Variants in ZNF131 observed in about 807,000 individuals in gnomAD.
The protein encoded by ZNF131 is zinc finger and BTB domain containing 35, also known as zinc finger protein 131.
Under a neutral mutation model 60.0 loss-of-function variants are expected in ZNF131, and 7 were observed. The ratio of observed to expected loss-of-function variants is 0.12; its 90% CI spans 0.07 to 0.22. The LOEUF (loss-of-function observed/expected upper bound fraction) is 0.22. Ranked by LOEUF, ZNF131 falls within the 10% of genes least tolerant of loss-of-function variation. The pLI is 1.00. For missense variants in ZNF131, 493 were observed against 740.9 expected (o/e 0.67, Z 3.88); for synonymous variants, 257 against 253.2 (o/e 1.01, Z -0.14).
At chr5:43,145,971 C>CA (rs1747527428) in intron 4 of ZNF131, among the ~76,000 whole-genome samples, 1 of 152,208 alleles carries the variant, frequency 6.6e-6, no homozygotes, top group African/African-American at 2.4e-5. Context: ...TGGAGCATTC[C>CA]AAAGTGGGGT....
At position 43,161,819 on chromosome 5, in the gene ZNF131, A is replaced by G. The variant is rs1205904088; in HGVS notation, c.942A>G (p.Glu314=). ...KQHLNCYHLE[E]GGVSKKQRTG... The stretch of plus-strand genomic sequence containing the variant: ...ACCTAAATTGTTACCACCTTGAAGA[A>G]GGTGGAGTCAGTAAGAAGCAAAGAA... Residue 314 remains glutamate (E), a synonymous_variant, in exon 5 of 7, where the codon GAA becomes GAG. Transcript: ENST00000682664. 1.2e-6 allele frequency: 2 copies of G among 1,614,242 alleles called. No individual in the cohort carries two copies. The highest frequency in any genetic ancestry group is 2.2e-5 in the South Asian group (2 of 91,084).
At chr5:43,160,484 A>G (rs1180390455) in intron 4 of ZNF131, among the ~76,000 whole-genome samples, 1 of 152,050 alleles carries the variant, frequency 6.6e-6, no homozygotes, top group Non-Finnish European at 1.5e-5. Flanking sequence ...TGGGTGAGAG[A>G]ATGAGAAATC....
In ZNF131 at chr5:43,175,544, A is replaced by T. The variant is rs1751486088; in HGVS notation, c.*411A>T. 1 of 677,422 alleles carries T rather than the reference A, an allele frequency of 1.5e-6. No individual in the cohort carries two copies. 42.0% of individuals were successfully genotyped at this position (677,422 alleles called of 1,614,324 possible). A position where few individuals can be genotyped will look rare whatever the true frequency, so the allele number is the denominator to read the frequency against. ...TTTATGTATTCTAATGCATGTTAGA[A>T]AATTGAATAATATAGGAAACACAAG... On this transcript the variant is annotated 3_prime_UTR_variant, in exon 7 of 7. Coordinates refer to ENST00000682664, the MANE Select transcript of ZNF131 (RefSeq NM_001330707.2).
rs768909836 is a variant in ZNF131, at chr5:43,161,496, G to A, written c.619G>A (p.Asp207Asn). Reference protein sequence around the residue: ...VKYIQSTGSSDDSALALLADI... With the variant: ...VKYIQSTGSSNDSALALLADI... The stretch of plus-strand genomic sequence containing the variant: ...GTACATACAGAGCACAGGTTCCTCT[G>A]ATGATTCTGCTCTAGCACTGTTGGC... The change falls in exon 5 of 7, where the codon GAT (aspartate) becomes AAT (asparagine). Residue 207 changes from aspartate (D) to asparagine (N), a missense_variant. Physicochemically the swap from Asp to Asn is conservative, Grantham distance 23. Around this residue, in one of 7 missense-constraint regions of ZNF131, gnomAD observed 138 missense variants for 158.7 expected, o/e 0.87. Coordinates refer to ENST00000682664, the MANE Select transcript of ZNF131 (RefSeq NM_001330707.2). The A allele has an allele frequency of 6.2e-7, 1 of 1,614,142 alleles. No individual in the cohort carries two copies. The highest frequency in any genetic ancestry group is 1.3e-5 in the African/African-American group (1 of 74,954).
At position 43,139,246 on chromosome 5, in the gene ZNF131, A is replaced by G. The variant is rs1266497338; in HGVS notation, c.308A>G (p.Asn103Ser). 6 of 1,613,048 alleles carry G rather than the reference A, an allele frequency of 3.7e-6. No homozygotes were observed. The highest frequency in any genetic ancestry group is 1.3e-5 in the African/African-American group (1 of 74,880). Residue 103 changes from asparagine (N) to serine (S), a missense_variant, in exon 4 of 7, where the codon AAT becomes AGT. Asn to Ser is a conservative substitution (Grantham distance 46, BLOSUM62 1). Transcript: ENST00000682664. ...ATGATACAAGGAGAAGAAGAAGCCA[A>G]TGATGTATGGAAAGCAGCAGAGTTT... ...KLMIQGEEEANDVWKAAEFLQ... is the reference protein window; with the variant it reads ...KLMIQGEEEASDVWKAAEFLQ...
intron 4 of ZNF131, among the ~76,000 whole-genome samples, chr5:43,143,026 CTTTT>C (rs148965036): frequency 7.3e-6 from 1 of 136,752 alleles, no homozygotes; most frequent in Non-Finnish European, 1.6e-5. Context: ...ATCTTTCAAG[CTTTT>C]TTTTTTTTTT....
At chr5:43,154,417 A>G (rs1350695359) in intron 4 of ZNF131, among the ~76,000 whole-genome samples, 1 of 151,620 alleles carries the variant, frequency 6.6e-6, no homozygotes, top group African/African-American at 2.4e-5. Flanking sequence ...CCGTCTCCAA[A>G]AAAAAAAAAA....
intron 5 of ZNF131, among the ~76,000 whole-genome samples, chr5:43,171,035 C>T (rs1280526492): frequency 6.6e-6 from 1 of 151,786 alleles, no homozygotes; most frequent in East Asian, 1.9e-4. Flanking sequence ...ACCCCTGCCT[C>T]CTGGGTTCAA....
intron 5 of ZNF131, among the ~76,000 whole-genome samples, chr5:43,166,169 A>G (rs143327154): frequency 0.011 from 1,673 of 152,282 alleles, 18 homozygotes; most frequent in Middle Eastern, 0.031. Flanking sequence ...CAGTAAGGCA[A>G]TTTTGCTTTC....
intron 5 of ZNF131, among the ~76,000 whole-genome samples, chr5:43,172,466 C>A (rs1751112045): frequency 6.6e-6 from 1 of 152,028 alleles, no homozygotes; most frequent in Non-Finnish European, 1.5e-5. Context: ...ACTAAAGATA[C>A]AAAAAAATAG....
intron 4 of ZNF131, among the ~76,000 whole-genome samples, chr5:43,149,000 C>T (rs978156239): frequency 3.3e-5 from 5 of 152,182 alleles, no homozygotes; most frequent in Non-Finnish European, 7.3e-5. Flanking sequence ...GAAATTCATG[C>T]CGGGCACAGT....
chr5:43,162,449 AGGCG>A (rs1749800416), intron 5 of ZNF131, among the ~76,000 whole-genome samples: 1 of 151,306 alleles, frequency 6.6e-6, no homozygotes, highest in Non-Finnish European at 1.5e-5. Flanking sequence ...AAAATTAGCC[AGGCG>A]TGGTGGTGGG....
rs750813440 is a variant in ZNF131, at chr5:43,161,870, G to T, written c.993G>T (p.Gln331His). ...CTGGGAAAAAAATTCATGTATGTCAGTACTGTGAGAAACAGTTTGACCATT... is the reference window on the plus strand; with the variant it reads ...CTGGGAAAAAAATTCATGTATGTCATTACTGTGAGAAACAGTTTGACCATT... ...QRTGKKIHVC[Q>H]YCEKQFDHFG... The change falls in exon 5 of 7, where the codon CAG (glutamine) becomes CAT (histidine). Residue 331 changes from glutamine to histidine, a missense_variant. Transcript: ENST00000682664. 1 of 1,613,052 alleles carries T rather than the reference G, an allele frequency of 6.2e-7. No individual in the cohort carries two copies. The highest frequency in any genetic ancestry group is 8.5e-7 in the Non-Finnish European group (1 of 1,179,640).
At chr5:43,149,292 C>T (rs948078523) in intron 4 of ZNF131, among the ~76,000 whole-genome samples, 7 of 151,544 alleles carry the variant, frequency 4.6e-5, no homozygotes, top group Non-Finnish European at 7.4e-5. Flanking sequence ...CGGTGGCTCA[C>T]GCCTATAATC....
rs1436928945 is a variant in ZNF131, at chr5:43,175,335, G to T, written c.*202G>T. The T allele has an allele frequency of 7.3e-6, 5 of 682,052 alleles. No homozygotes were observed. Among genetic ancestry groups the T allele is most frequent in the Non-Finnish European group, 1.3e-5 (5 of 389,228 alleles). 42.3% of individuals were successfully genotyped at this position (682,052 alleles called of 1,614,324 possible). ...CAGAGGAGGGATCTTTTCCATAACT[G>T]AAGGGGAGTTTTGAGAAGTATATTT... On this transcript the variant is annotated 3_prime_UTR_variant, in exon 7 of 7. Transcript: ENST00000682664.
At chr5:43,123,952 T>C (rs1744188228) in intron 3 of ZNF131, 1 of 152,204 alleles carries the variant, frequency 6.6e-6, no homozygotes. Context: ...TTGTGTATTG[T>C]CTAAGGCTCA....
At chr5:43,163,488 C>T (rs931148088) in intron 5 of ZNF131, among the ~76,000 whole-genome samples, 2 of 152,202 alleles carry the variant, frequency 1.3e-5, no homozygotes, top group Non-Finnish European at 2.9e-5. Context: ...CTCAGGGCCT[C>T]GCCCCACATA....
At chr5:43,131,094 A>G (rs1745287558) in intron 3 of ZNF131, among the ~76,000 whole-genome samples, 1 of 151,454 alleles carries the variant, frequency 6.6e-6, no homozygotes, top group Non-Finnish European at 1.5e-5. Context: ...TGAACTCCTG[A>G]CCTCAGGTGA....
chr5:43,143,466 T>C, intron 4 of ZNF131: 11 of 1,326,852 alleles, frequency 8.3e-6, no homozygotes, highest in Non-Finnish European at 9.1e-6. Context: ...ACACGCTGTA[T>C]TTGAAGTTTC....
Sources: allele counts gnomAD v4.1 joint callset (sites outside exome capture counted in the v4.1 genomes callset), GRCh38; gene constraint gnomAD v4.1.1; regional missense constraint gnomAD v4.1.1; transcripts MANE v1.5; gene names NCBI Gene and HGNC (gene_info 2026-07-23, HGNC 2026-07-21).